C10orf67: variants seen among roughly 807,000 people sequenced by gnomAD.
The protein encoded by C10orf67 is uncharacterized protein C10orf67, mitochondrial.
In C10orf67, 60 loss-of-function variants were observed where a neutral mutation model predicts 35.6. That is an observed-to-expected ratio of 1.68 (90% confidence interval 1.37 to 2.09). C10orf67 has a LOEUF of 2.09. Among genes scored for constraint, C10orf67 ranks in the 30% most tolerant of loss-of-function variants. The probability of loss-of-function intolerance (pLI) is 0.00; values close to 1 mark genes in which losing one functional copy is unlikely to be tolerated. For missense variants in C10orf67, 474 were observed against 330.2 expected (o/e 1.44, Z -3.38); for synonymous variants, 167 against 115.8 (o/e 1.44, Z -2.84).
chr10:23,205,664 G>C (rs1841138672), intron 15 of C10orf67, among the ~76,000 whole-genome samples: 1 of 152,022 alleles, frequency 6.6e-6, no homozygotes, highest in South Asian at 2.1e-4. Flanking sequence ...TGAACAATCT[G>C]GGAAAGATAA....
At chr10:23,266,527 A>T in intron 9 of C10orf67, 101 bp from the exon 10 acceptor site, 1 of 397,138 alleles carries the variant, frequency 2.5e-6, no homozygotes, top group Non-Finnish European at 4.4e-6. Context: ...GGAATTGCAG[A>T]ACTGAGGTTT....
chr10:23,318,882 C>G (rs1421443017), intron 4 of C10orf67: 2 of 777,300 alleles, frequency 2.6e-6, no homozygotes, highest in African/African-American at 3.4e-5. Flanking sequence ...CTACCTTCAG[C>G]ACATCCAGAG....
At chr10:23,229,821 T>C (rs1305323743) in intron 13 of C10orf67, among the ~76,000 whole-genome samples, 2 of 152,166 alleles carry the variant, frequency 1.3e-5, no homozygotes, top group Non-Finnish European at 2.9e-5. Context: ...TATAAAACTC[T>C]ATTGAAATAA....
intron 2 of C10orf67, among the ~76,000 whole-genome samples, chr10:23,330,832 TGATCTAA>T (rs1431532597): frequency 6.6e-6 from 1 of 151,904 alleles, no homozygotes; most frequent in East Asian, 1.9e-4. Context: ...ATGGGTGAAA[TGATCTAA>T]GATTCTTCCG....
At chr10:23,297,485 G>C (rs1197406362) in intron 5 of C10orf67, among the ~76,000 whole-genome samples, 1 of 152,172 alleles carries the variant, frequency 6.6e-6, no homozygotes, top group Non-Finnish European at 1.5e-5. Context: ...TAGTGCCCGA[G>C]TGAGGGCTAT....
At chr10:23,281,311 C>A (rs1843357358) in intron 8 of C10orf67, among the ~76,000 whole-genome samples, 1 of 152,204 alleles carries the variant, frequency 6.6e-6, no homozygotes, top group African/African-American at 2.4e-5. Flanking sequence ...GTTTCAATAT[C>A]TGAAGTGGTG....
chr10:23,208,043 T>C (rs536205876), intron 15 of C10orf67, among the ~76,000 whole-genome samples: 1 of 152,284 alleles, frequency 6.6e-6, no homozygotes, highest in African/African-American at 2.4e-5. Context: ...TAGAGAAAAA[T>C]AAACACTCTT....
chr10:23,262,127 G>A (rs558030915), intron 10 of C10orf67, among the ~76,000 whole-genome samples: 3 of 152,128 alleles, frequency 2.0e-5, no homozygotes, highest in African/African-American at 7.2e-5. Flanking sequence ...GGTGAGCAGC[G>A]ATGTAATACA....
chr10:23,311,922 A>G (rs1196004873), intron 4 of C10orf67, among the ~76,000 whole-genome samples: 1 of 152,196 alleles, frequency 6.6e-6, no homozygotes, highest in Non-Finnish European at 1.5e-5. Context: ...GTGAACATTT[A>G]GATTGACTAG....
chr10:23,323,889 G>A (rs1410270625), intron 2 of C10orf67, among the ~76,000 whole-genome samples: 7 of 69,080 alleles, frequency 1.0e-4, no homozygotes, highest in East Asian at 2.6e-4. Context: ...GCAAGACTCC[G>A]TCTAAATATA....
intron 13 of C10orf67, among the ~76,000 whole-genome samples, chr10:23,230,710 C>T (rs1415820589): frequency 1.3e-5 from 2 of 151,248 alleles, no homozygotes; most frequent in Non-Finnish European, 1.5e-5. Flanking sequence ...TGATCACTTT[C>T]ATCAGTAATC....
intron 5 of C10orf67, among the ~76,000 whole-genome samples, chr10:23,300,137 G>A (rs1412923328): frequency 1.3e-5 from 2 of 152,138 alleles, no homozygotes; most frequent in Admixed American, 1.3e-4. Flanking sequence ...CGATCATCCG[G>A]CTAGTGGCTT....
intron 1 of C10orf67, chr10:23,343,869 G>A: frequency 2.2e-6 from 1 of 462,840 alleles, no homozygotes; most frequent in Non-Finnish European, 4.5e-6. Flanking sequence ...GAGGGCTCCG[G>A]GGCGGGCCGG....
chr10:23,301,152 G>T (rs1844059033), intron 5 of C10orf67, among the ~76,000 whole-genome samples: 1 of 152,228 alleles, frequency 6.6e-6, no homozygotes, highest in African/African-American at 2.4e-5. Context: ...CAGAAGGAAA[G>T]GTAGGGGTGC....
intron 4 of C10orf67, among the ~76,000 whole-genome samples, chr10:23,310,085 GT>G (rs1286945256): frequency 6.6e-6 from 1 of 152,206 alleles, no homozygotes; most frequent in Non-Finnish European, 1.5e-5. Context: ...AGAAAGCAGT[GT>G]GATTTTCCCA....
intron 10 of C10orf67, among the ~76,000 whole-genome samples, chr10:23,256,589 A>G (rs1406965021): frequency 6.6e-6 from 1 of 152,224 alleles, no homozygotes; most frequent in Non-Finnish European, 1.5e-5. Flanking sequence ...AAGCTAAAAT[A>G]TAAAGAACTT....
chr10:23,322,449 C>T lies in C10orf67; in HGVS notation c.416G>A (p.Ser139Asn), dbSNP rs182799120. Reference sequence around the variant, plus strand: ...CCTGTCATGCAGAATGGTGAAGAGACTCAAAGATTCCTCTTTCAGTCGGTC... The same window carrying T: ...CCTGTCATGCAGAATGGTGAAGAGATTCAAAGATTCCTCTTTCAGTCGGTC... The part of the protein sequence containing the change: ...FEDRLKEESL[S>N]LFTILHDRIL... The change falls in exon 3 of 16, where the codon AGT (serine) becomes AAT (asparagine). Residue 139 changes from serine (S) to asparagine (N), a missense_variant. Ser to Asn is a conservative substitution (Grantham distance 46, BLOSUM62 1). Coordinates refer to ENST00000636213, the MANE Select transcript of C10orf67 (RefSeq NM_001371909.1). 8.7e-6 allele frequency: 14 copies of T among 1,610,708 alleles called. No homozygotes were observed. The East Asian group carries it at 2.2e-4, about 26-fold the overall frequency.
At chr10:23,327,346 A>T (rs1845240672) in intron 2 of C10orf67, among the ~76,000 whole-genome samples, 1 of 152,200 alleles carries the variant, frequency 6.6e-6, no homozygotes, top group African/African-American at 2.4e-5. Flanking sequence ...TATACAATTT[A>T]TAAGAGATAT....
At chr10:23,269,500 A>G (rs1842964966) in intron 8 of C10orf67, among the ~76,000 whole-genome samples, 1 of 152,190 alleles carries the variant, frequency 6.6e-6, no homozygotes, top group Non-Finnish European at 1.5e-5. Flanking sequence ...AAGAGAAGAC[A>G]TATAGAAAAT....
Sources: allele counts gnomAD v4.1 joint callset (sites outside exome capture counted in the v4.1 genomes callset), GRCh38; gene constraint gnomAD v4.1.1; transcripts MANE v1.5; gene names NCBI Gene and HGNC (gene_info 2026-07-23, HGNC 2026-07-21).